Variants in NOS1AP observed in about 807,000 individuals in gnomAD.
NOS1AP encodes the protein nitric oxide synthase 1 adaptor protein.
Under a neutral mutation model 56.2 loss-of-function variants are expected in NOS1AP, and 21 were observed. The observed-to-expected ratio is 0.37, with a 90% CI of 0.26 to 0.54. NOS1AP has a LOEUF of 0.54. NOS1AP is among the 20% of genes least tolerant of loss of function. NOS1AP has a pLI of 0.84. For synonymous variants in NOS1AP, 270 were observed against 274.6 expected, an observed-to-expected ratio of 0.98 and a Z score of 0.17; for missense variants, 522 against 657.8, an observed-to-expected ratio of 0.79 and a Z score of 2.26.
At chr1:162,294,222 A>AGGAAGGAAGGAAGGAGGGAG (rs1368335883) in intron 3 of NOS1AP, among the ~76,000 whole-genome samples, 3 of 147,620 alleles carry the variant, frequency 2.0e-5, no homozygotes, top group African/African-American at 7.7e-5. Context: ...GAAGGAAGGA[A>AGGAAGGAAGGAAGGAGGGAG]GGAAGAAAGA....
intron 2 of NOS1AP, among the ~76,000 whole-genome samples, chr1:162,242,672 A>G (rs1653524361): frequency 6.6e-6 from 1 of 152,208 alleles, no homozygotes; most frequent in Non-Finnish European, 1.5e-5. Flanking sequence ...CTGAGTAAAA[A>G]ACAATGGTGG....
chr1:162,117,469 CTT>C (rs1648014055), intron 1 of NOS1AP, among the ~76,000 whole-genome samples: 1 of 152,166 alleles, frequency 6.6e-6, no homozygotes, highest in African/African-American at 2.4e-5. Context: ...CTATCATCCT[CTT>C]TGTTTAAAAG....
intron 4 of NOS1AP, 70 bp from the exon 5 acceptor site, chr1:162,332,947 A>C: frequency 1.3e-5 from 14 of 1,081,308 alleles, no homozygotes; most frequent in Non-Finnish European, 2.0e-5. Flanking sequence ...GTCCTTAAAC[A>C]GAGCTTTCCT....
At chr1:162,330,393 A>G (rs530107764) in intron 4 of NOS1AP, among the ~76,000 whole-genome samples, 8 of 152,324 alleles carry the variant, frequency 5.3e-5, no homozygotes, top group African/African-American at 1.9e-4. Flanking sequence ...AGTGTGAGAT[A>G]TGTGCTGTGG....
intron 8 of NOS1AP, chr1:162,364,522 C>A (rs1002596199): frequency 3.6e-5 from 35 of 985,482 alleles, no homozygotes; most frequent in Admixed American, 6.1e-5. Context: ...GTATTGCTCA[C>A]CAAGAACAGA....
intron 2 of NOS1AP, among the ~76,000 whole-genome samples, chr1:162,229,860 C>T (rs939234505): frequency 7.2e-5 from 11 of 152,078 alleles, no homozygotes; most frequent in African/African-American, 1.7e-4. Flanking sequence ...AAATGCAAGA[C>T]GTGTCTCAAC....
At chr1:162,209,106 G>T (rs1652258157) in intron 2 of NOS1AP, among the ~76,000 whole-genome samples, 2 of 152,230 alleles carry the variant, frequency 1.3e-5, no homozygotes, top group South Asian at 4.1e-4. Context: ...TTATGGGTAA[G>T]ATTTTTCCTC....
chr1:162,330,216 A>G (rs988298244), intron 4 of NOS1AP, among the ~76,000 whole-genome samples: 11 of 152,224 alleles, frequency 7.2e-5, no homozygotes, highest in African/African-American at 1.7e-4. Context: ...CTTGGGGAAA[A>G]TGAATAGCCA....
At chr1:162,113,873 C>G (rs543100251) in intron 1 of NOS1AP, among the ~76,000 whole-genome samples, 1 of 152,114 alleles carries the variant, frequency 6.6e-6, no homozygotes, top group East Asian at 1.9e-4. Flanking sequence ...CAGTAGAGCA[C>G]TTGCCTCTAG....
In NOS1AP at chr1:162,357,097, C is replaced by CCAG. The variant is rs755247437; in HGVS notation, c.916_918dup (p.Gln306dup). ...AGATGCAGCTCCTCCAGCAGCTCCT[C>CCAG]CAGCAGCAGCAGCAGCAGACACAAG... On this transcript the variant is annotated inframe_insertion, in exon 8 of 10. Coordinates refer to ENST00000361897, the MANE Select transcript of NOS1AP (RefSeq NM_014697.3). 1 of 1,607,918 alleles carries CCAG rather than the reference C, an allele frequency of 6.2e-7. No homozygotes were observed. The highest frequency in any genetic ancestry group is 8.5e-7 in the Non-Finnish European group (1 of 1,177,604).
intron 2 of NOS1AP, among the ~76,000 whole-genome samples, chr1:162,213,608 T>G (rs1652444687): frequency 6.6e-6 from 1 of 152,248 alleles, no homozygotes; most frequent in Non-Finnish European, 1.5e-5. Flanking sequence ...TGGATTGTTT[T>G]TAAGTTCTCC....
At chr1:162,321,923 G>C (rs534112467) in intron 4 of NOS1AP, among the ~76,000 whole-genome samples, 1 of 32,164 alleles carries the variant, frequency 3.1e-5, no homozygotes, top group Non-Finnish European at 1.2e-4. Flanking sequence ...GAGGGAGAAG[G>C]GGGGACAAGG....
At chr1:162,180,779 T>G (rs534757864) in intron 2 of NOS1AP, among the ~76,000 whole-genome samples, 1 of 152,296 alleles carries the variant, frequency 6.6e-6, no homozygotes, top group East Asian at 1.9e-4. Flanking sequence ...ACAGCCTGGT[T>G]GACACCATGG....
intron 4 of NOS1AP, among the ~76,000 whole-genome samples, chr1:162,304,288 A>G (rs1293720294): frequency 2.0e-5 from 3 of 152,024 alleles, no homozygotes; most frequent in South Asian, 2.1e-4. Context: ...TTTCTCCACT[A>G]TAGTGCCTTT....
In NOS1AP at chr1:162,302,165, T is replaced by A. The variant is rs185720869; in HGVS notation, c.344+1459T>A. 1.6e-4 allele frequency among the ~76,000 whole-genome samples: 24 copies of A among 152,304 alleles called. No individual in the cohort carries two copies. In the East Asian group the frequency reaches 2.3e-3, roughly 15 times the overall value. Reference sequence around the variant, plus strand: ...TGTTATAGTGTTTCTGTTACTTTTTTAAAAAACAAATGTCAATTTTTTGCC... The same window carrying A: ...TGTTATAGTGTTTCTGTTACTTTTTAAAAAAACAAATGTCAATTTTTTGCC... On this transcript the variant is annotated intron_variant, in intron 4 of 9. Transcript: ENST00000361897.
At chr1:162,222,123 T>C (rs1199817874) in intron 2 of NOS1AP, among the ~76,000 whole-genome samples, 4 of 152,242 alleles carry the variant, frequency 2.6e-5, no homozygotes, top group Non-Finnish European at 5.9e-5. Context: ...TGTGGAATAG[T>C]GGAATTGGAG....
rs1224434633 is a variant in NOS1AP, at chr1:162,370,126, G to A, written c.*2659G>A. The A allele has an allele frequency of 5.3e-5, 8 of 152,326 alleles. No individual in the cohort carries two copies. The East Asian group carries it at 1.5e-3, about 29-fold the overall frequency. 9.4% of individuals were successfully genotyped at this position (152,326 alleles called of 1,614,324 possible). On this transcript the variant is annotated 3_prime_UTR_variant, in exon 10 of 10. Transcript: ENST00000361897. ...CTCTCGTGCACAGGAGGCTCCCACA[G>A]TTATGGAGCCAGGAAAGAATTTCTC...
At chr1:162,128,300 C>T (rs1307142035) in intron 1 of NOS1AP, among the ~76,000 whole-genome samples, 1 of 152,016 alleles carries the variant, frequency 6.6e-6, no homozygotes, top group Non-Finnish European at 1.5e-5. Flanking sequence ...TGAAAATACA[C>T]GTTTACCATA....
intron 8 of NOS1AP, among the ~76,000 whole-genome samples, chr1:162,358,291 G>A (rs1189241291): frequency 6.6e-6 from 1 of 152,116 alleles, no homozygotes; most frequent in Non-Finnish European, 1.5e-5. Context: ...GCCATAACAG[G>A]ATCTGCTATG....
Sources: gnomAD v4.1 joint callset for allele counts (sites outside exome capture counted in the v4.1 genomes callset) on GRCh38, gnomAD v4.1.1 for gene constraint, MANE v1.5 for transcripts, NCBI Gene and HGNC (gene_info 2026-07-23, HGNC 2026-07-21) for gene names.